ADGRG4: variants seen among roughly 807,000 people sequenced by gnomAD.
ADGRG4 encodes the protein G protein-coupled receptor 112.
A neutral mutation model predicts 126.2 loss-of-function variants in ADGRG4; 122 were observed. That is an observed-to-expected ratio of 0.97 (90% CI 0.83 to 1.12). ADGRG4 has a LOEUF of 1.12. ADGRG4 is among the 50% of genes most tolerant of loss of function. The pLI is 0.00. For missense variants in ADGRG4, 2,481 were observed against 2,251.8 expected (o/e 1.10, Z -2.06); for synonymous variants, 943 against 838.7 (o/e 1.12, Z -2.15).
At chrX:136,373,815 A>C (rs1200561321) in intron 15 of ADGRG4, among the ~76,000 whole-genome samples, 1 of 110,696 alleles carries the variant, frequency 9.0e-6, no homozygotes, top group Non-Finnish European at 1.9e-5. Flanking sequence ...AAAATTAAAA[A>C]ATTAGCCAGG....
chrX:136,353,386 C>T lies in ADGRG4; in HGVS notation c.6872C>T (p.Thr2291Ile). 1.7e-6 allele frequency: 2 copies of T among 1,190,254 alleles called. No homozygotes were observed. The highest frequency in any genetic ancestry group is 2.3e-6 in the Non-Finnish European group (2 of 876,693). The change falls in exon 8 of 26, where the codon ACC (threonine) becomes ATC (isoleucine). Residue 2291 changes from threonine (T) to isoleucine (I), a missense_variant. Thr to Ile is a moderately conservative substitution (Grantham distance 89). Transcript: ENST00000394143. ...GAATTTTCTCTTGCTACTCTGGAAACCCAAATTAAAAGCAGGTATGTGAAT... is the reference window on the plus strand; with the variant it reads ...GAATTTTCTCTTGCTACTCTGGAAATCCAAATTAAAAGCAGGTATGTGAAT... ...NSEFSLATLE[T>I]QIKSRDISEE...
Position 136,409,607 on chromosome X carries a change from C to T in ADGRG4, c.8936-2658C>T, listed in dbSNP as rs772206045. On this transcript the variant is annotated intron_variant, in intron 23 of 25. Coordinates refer to ENST00000394143, the MANE Select transcript of ADGRG4 (RefSeq NM_153834.4). ...CAGTGAACACTGCTGAATTCATCCCCGCAGTTGTTTGGTTACACATGGAGA... is the reference window on the plus strand; with the variant it reads ...CAGTGAACACTGCTGAATTCATCCCTGCAGTTGTTTGGTTACACATGGAGA... 3.6e-4 allele frequency among the ~76,000 whole-genome samples: 40 copies of T among 111,572 alleles called. 1 individual carries two copies. The highest frequency in any genetic ancestry group is 7.7e-4 in the South Asian group (2 of 2,610).
chrX:136,331,632 A>G (rs1000919701), intron 5 of ADGRG4, among the ~76,000 whole-genome samples: 3 of 111,158 alleles, frequency 2.7e-5, no homozygotes, highest in Non-Finnish European at 5.7e-5. Context: ...TTGTAGTGAT[A>G]TTTTATTGTG....
At chrX:136,366,068 C>T (rs191457489) in intron 13 of ADGRG4, among the ~76,000 whole-genome samples, 2 of 111,884 alleles carry the variant, frequency 1.8e-5, no homozygotes, top group African/African-American at 6.5e-5. Flanking sequence ...TTTACATTAG[C>T]GTTCACTCTT....
rs758228443 is a variant in ADGRG4 at position 136,350,344 on chromosome X, C to T, written c.6638C>T (p.Ser2213Leu). Reference sequence around the variant, plus strand: ...ACAGCAACTGTGTCTTCACCAATATCGTCCTTTTTTGAAACAACTTGGCTG... The same window carrying T: ...ACAGCAACTGTGTCTTCACCAATATTGTCCTTTTTTGAAACAACTTGGCTG... ...PFTATVSSPI[S>L]SFFETTWLDS... The change falls in exon 6 of 26, where the codon TCG (serine) becomes TTG (leucine). Residue 2213 changes from serine (S) to leucine (L), a missense_variant. By Grantham distance (145) the Ser-to-Leu change is moderately radical. Transcript: ENST00000394143. The T allele has an allele frequency of 3.3e-6, 4 of 1,210,156 alleles. No homozygotes were observed. The highest frequency in any genetic ancestry group is 3.4e-6 in the Non-Finnish European group (3 of 894,230).
At chrX:136,304,491 T>C (rs1319200148) in intron 2 of ADGRG4, among the ~76,000 whole-genome samples, 1 of 112,144 alleles carries the variant, frequency 8.9e-6, no homozygotes, top group African/African-American at 3.2e-5. Context: ...CATATCTAAG[T>C]ATATATAAAT....
Position 136,333,953 on chromosome X carries a change from C to T in ADGRG4, c.686-10439C>T, listed in dbSNP as rs1025385216. 4.5e-5 allele frequency among the ~76,000 whole-genome samples: 5 copies of T among 111,357 alleles called. No homozygotes were observed. In the South Asian group the frequency reaches 1.9e-3, roughly 42 times the overall value. On this transcript the variant is annotated intron_variant, in intron 5 of 25. Transcript: ENST00000394143. ...GAACTCTTTGCTTAGCCCTAGATCCCAAAGATTTTCTCCTATATTTTTTCT... is the reference window on the plus strand; with the variant it reads ...GAACTCTTTGCTTAGCCCTAGATCCTAAAGATTTTCTCCTATATTTTTTCT...
Position 136,345,199 on chromosome X carries a change from T to C in ADGRG4, c.1493T>C (p.Met498Thr). Residue 498 changes from methionine (M) to threonine (T), a missense_variant, in exon 6 of 26, where the codon ATG becomes ACG. Physicochemically the swap from Met to Thr is moderately conservative, Grantham distance 81. Transcript: ENST00000394143. ...GCATTTCCATTGGCAACAACTGATA[T>C]GAAAATAGCATTTACAGTCCATTCA... Reference protein sequence around the residue: ...QTAFPLATTDMKIAFTVHSLT... With the variant: ...QTAFPLATTDTKIAFTVHSLT... 8.3e-7 allele frequency: 1 copy of C among 1,210,577 alleles called. No homozygotes were observed. The highest frequency in any genetic ancestry group is 1.1e-6 in the Non-Finnish European group (1 of 894,459).
chrX:136,318,370 C>T (rs1218424324), intron 4 of ADGRG4, among the ~76,000 whole-genome samples: 1 of 111,642 alleles, frequency 9.0e-6, no homozygotes, highest in Non-Finnish European at 1.9e-5. Context: ...TTGCCAGGGG[C>T]TGGAGGGGAG....
intron 3 of ADGRG4, among the ~76,000 whole-genome samples, chrX:136,306,864 G>A (rs1245506204): frequency 1.8e-5 from 2 of 110,455 alleles, no homozygotes. Flanking sequence ...ATAGGCATGC[G>A]CCACCATGCC....
In ADGRG4 at chrX:136,349,137, G is replaced by A; in HGVS notation, c.5431G>A (p.Ala1811Thr). ...AGAAAAGACTTCCTTAACAAACTAT[G>A]CCACATCTTTGAATACCCCTGTTTC... ...LLEKTSLTNY[A>T]TSLNTPVSYP... Residue 1811 changes from alanine (A) to threonine (T), a missense_variant, in exon 6 of 26, where the codon GCC becomes ACC. Transcript: ENST00000394143. 1.7e-6 allele frequency: 2 copies of A among 1,201,225 alleles called. No individual in the cohort carries two copies. Among genetic ancestry groups the A allele is most frequent in the Non-Finnish European group, 2.3e-6 (2 of 886,544 alleles).
In ADGRG4 at chrX:136,363,608, T is replaced by C. The variant is rs1184848103; in HGVS notation, c.7396+13T>C. The C allele has an allele frequency of 2.0e-6, 2 of 1,022,279 alleles. No homozygotes were observed. The highest frequency in any genetic ancestry group is 3.7e-5 in the African/African-American group (2 of 53,517). The allele number at this position is 1,022,279 out of a possible 1,213,427, so 84.2% of individuals were successfully genotyped here. A position where few individuals can be genotyped will look rare whatever the true frequency, so the allele number is the denominator to read the frequency against. On this transcript the variant is annotated intron_variant, in intron 13 of 25. Transcript: ENST00000394143. Reference sequence around the variant, plus strand: ...ACCATAAGTGATGGTAAGATTGTTTTGTACATATAAGACAAATTATGGAAC... The same window carrying C: ...ACCATAAGTGATGGTAAGATTGTTTCGTACATATAAGACAAATTATGGAAC...
At chrX:136,329,800 C>T (rs755531662) in intron 5 of ADGRG4, among the ~76,000 whole-genome samples, 8 of 110,029 alleles carry the variant, frequency 7.3e-5, no homozygotes, top group Non-Finnish European at 1.3e-4. Flanking sequence ...AGCCACCCCA[C>T]CCCGAGTAGC....
intron 15 of ADGRG4, among the ~76,000 whole-genome samples, chrX:136,385,389 C>A (rs1201829585): frequency 1.8e-5 from 2 of 111,867 alleles, no homozygotes; most frequent in South Asian, 3.7e-4. Flanking sequence ...ATGTTATATA[C>A]CTTAAATACA....
At position 136,384,694 on chromosome X, in the gene ADGRG4, T is replaced by A. The variant is rs2075284022; in HGVS notation, c.7777-3046T>A. On this transcript the variant is annotated intron_variant, in intron 15 of 25. Coordinates refer to ENST00000394143, the MANE Select transcript of ADGRG4 (RefSeq NM_153834.4). ...AAGGATATTTTTGTTTGTAATAGGA[T>A]TCAGGATTGGCAAGTCCTTCCCCCA... is the stretch of plus-strand genomic sequence containing the variant. Among the ~76,000 whole-genome samples the A allele has an allele frequency of 4.5e-5, 5 of 111,685 alleles. No individual in the cohort carries two copies. The South Asian group carries it at 1.9e-3, about 42-fold the overall frequency.
In ADGRG4 at chrX:136,345,413, G is replaced by A. The variant is rs1187943798; in HGVS notation, c.1707G>A (p.Glu569=). The change falls in exon 6 of 26, where the codon GAG becomes GAA. Residue 569 remains glutamate (E), a synonymous_variant. Transcript: ENST00000394143. Reference sequence around the variant, plus strand: ...CATCCTTTTCATTTACTGGGACTGAGAGTGTACAGACAGTTATTGATGCTG... The same window carrying A: ...CATCCTTTTCATTTACTGGGACTGAAAGTGTACAGACAGTTATTGATGCTG... The part of the protein sequence containing the change: ...FLTSFSFTGT[E]SVQTVIDAEA... 4.1e-6 allele frequency: 5 copies of A among 1,206,821 alleles called. No individual in the cohort carries two copies. The highest frequency in any genetic ancestry group is 3.4e-6 in the Non-Finnish European group (3 of 892,573).
At chrX:136,355,252 C>G (rs867830120) in intron 8 of ADGRG4, among the ~76,000 whole-genome samples, 160 of 100,740 alleles carry the variant, frequency 1.6e-3, no homozygotes, top group African/African-American at 3.7e-3. Flanking sequence ...CACACACACA[C>G]AGAGACACAT....
intron 3 of ADGRG4, among the ~76,000 whole-genome samples, chrX:136,308,361 C>T (rs755457075): frequency 6.8e-4 from 76 of 111,976 alleles, no homozygotes; most frequent in African/African-American, 2.3e-3. Context: ...CCACCCGCTT[C>T]GGCCTCCCAA....
chrX:136,390,296 C>A (rs2075313071), intron 16 of ADGRG4, among the ~76,000 whole-genome samples: 1 of 111,631 alleles, frequency 9.0e-6, no homozygotes, highest in Non-Finnish European at 1.9e-5. Context: ...AAGCCATCCT[C>A]CTGTCTCTGC....
Sources: allele counts gnomAD v4.1 joint callset (sites outside exome capture counted in the v4.1 genomes callset), GRCh38; gene constraint gnomAD v4.1.1; transcripts MANE v1.5; gene names NCBI Gene and HGNC (gene_info 2026-07-23, HGNC 2026-07-21).